The following YEATS4 variants were observed in gnomAD, a reference collection of about 807,000 sequenced individuals.
YEATS4 encodes the protein YEATS domain-containing protein 4.
In YEATS4, 17 loss-of-function variants were observed where a neutral mutation model predicts 30.1. That is an observed-to-expected ratio of 0.56 (90% CI 0.39 to 0.85). The LOEUF (loss-of-function observed/expected upper bound fraction) is 0.85, where lower values mean the gene tolerates loss of function less well. Ranked by LOEUF, YEATS4 falls within the 40% of genes least tolerant of loss-of-function variation. YEATS4 has a pLI of 0.00. For synonymous variants in YEATS4, 85 were observed against 87.5 expected (o/e 0.97, Z 0.16); for missense variants, 142 against 268.3 (o/e 0.53, Z 3.29).
At chr12:69,361,336 A>G (rs1875199769) in intron 1 of YEATS4, 1 of 151,850 alleles carries the variant, frequency 6.6e-6, no homozygotes, top group Admixed American at 6.6e-5. Flanking sequence ...CACTAGCGCA[A>G]TCTCGGCTCT....
intron 6 of YEATS4, among the ~76,000 whole-genome samples, chr12:69,385,121 C>T (rs1052264482): frequency 7.9e-5 from 12 of 152,048 alleles, no homozygotes; most frequent in Non-Finnish European, 1.5e-4. Flanking sequence ...ACATGATCCT[C>T]CTGCCTTGGC....
At chr12:69,386,671 A>G (rs1206095189) in intron 6 of YEATS4, among the ~76,000 whole-genome samples, 1 of 152,222 alleles carries the variant, frequency 6.6e-6, no homozygotes, top group Non-Finnish European at 1.5e-5. Context: ...AGGGGAATAC[A>G]AATTTCTGCA....
chr12:69,402,682 A>G, the YEATS4 span, among the ~76,000 whole-genome samples: 3 of 151,890 alleles, frequency 2.0e-5, no homozygotes, highest in Non-Finnish European at 4.4e-5. Context: ...GCCATGTATC[A>G]CAAAATATTT....
chr12:69,386,563 A>AT (rs1291802193), intron 6 of YEATS4, among the ~76,000 whole-genome samples: 1 of 152,098 alleles, frequency 6.6e-6, no homozygotes, highest in Admixed American at 6.5e-5. Context: ...ACATTAGTGC[A>AT]TTTTTTTCTT....
At chr12:69,378,878 G>A (rs1456701758) in intron 6 of YEATS4, among the ~76,000 whole-genome samples, 1 of 151,982 alleles carries the variant, frequency 6.6e-6, no homozygotes, top group African/African-American at 2.4e-5. Flanking sequence ...ATCTTCAGAT[G>A]ATTTCACATT....
chr12:69,403,019 G>A, the YEATS4 span, among the ~76,000 whole-genome samples: 49 of 151,972 alleles, frequency 3.2e-4, no homozygotes, highest in African/African-American at 9.4e-4. Flanking sequence ...CACCACGCCC[G>A]GCTTGCTATT....
chr12:69,384,573 G>A (rs1876201729), intron 6 of YEATS4, among the ~76,000 whole-genome samples: 1 of 152,098 alleles, frequency 6.6e-6, no homozygotes, highest in Non-Finnish European at 1.5e-5. Context: ...TCACTTCATA[G>A]TACTTACCAA....
chr12:69,392,776 A>T (rs987921730), downstream of YEATS4, among the ~76,000 whole-genome samples: 2 of 152,220 alleles, frequency 1.3e-5, no homozygotes, highest in Admixed American at 6.5e-5. Context: ...TCAGATGAGT[A>T]ATCTGCTATG....
intron 6 of YEATS4, among the ~76,000 whole-genome samples, chr12:69,383,771 A>G (rs544508809): frequency 4.1e-4 from 63 of 152,344 alleles, no homozygotes; most frequent in African/African-American, 1.2e-3. Flanking sequence ...AACATCAGAT[A>G]AGATAAATTG....
At chr12:69,388,252 G>A (rs1050423778) in intron 6 of YEATS4, among the ~76,000 whole-genome samples, 3 of 152,014 alleles carry the variant, frequency 2.0e-5, no homozygotes, top group African/African-American at 7.2e-5. Flanking sequence ...AGTAGAGACA[G>A]GGTTTTACCG....
chr12:69,370,114 T>G (rs1875582958), intron 4 of YEATS4, among the ~76,000 whole-genome samples: 1 of 152,214 alleles, frequency 6.6e-6, no homozygotes, highest in Admixed American at 6.5e-5. Context: ...AACTAGATTT[T>G]ATTTTGCTGA....
chr12:69,393,768 C>T (rs1469634715), downstream of YEATS4, among the ~76,000 whole-genome samples: 3 of 152,004 alleles, frequency 2.0e-5, no homozygotes, highest in Admixed American at 6.6e-5. Context: ...ATTATTAAAG[C>T]TTGATAATAG....
At chr12:69,369,174 C>G (rs1370287037) in intron 4 of YEATS4, among the ~76,000 whole-genome samples, 1 of 152,068 alleles carries the variant, frequency 6.6e-6, no homozygotes, top group East Asian at 1.9e-4. Context: ...GTTCTCAATT[C>G]CTCTAGAAAT....
intron 1 of YEATS4, among the ~76,000 whole-genome samples, chr12:69,362,013 G>GTTTTTGTTTTTTT (rs1555174243): frequency 1.0e-4 from 7 of 69,074 alleles, no homozygotes; most frequent in Admixed American, 1.6e-4. Flanking sequence ...GTGTTTGGTT[G>GTTTTTGTTTTTTT]TTTTTTTTTT....
At chr12:69,365,453 G>GA (rs201603040) in intron 2 of YEATS4, among the ~76,000 whole-genome samples, 180 bp from the exon 3 acceptor site, 2,213 of 105,586 alleles carry the variant, frequency 0.021, 33 homozygotes, top group African/African-American at 0.05. Flanking sequence ...TCCATCTCAG[G>GA]AAAAAAAAAA....
the YEATS4 span, among the ~76,000 whole-genome samples, chr12:69,397,661 A>G: frequency 6.6e-6 from 1 of 152,280 alleles, no homozygotes; most frequent in African/African-American, 2.4e-5. Flanking sequence ...TTATTTATAA[A>G]TTACCCAATT....
At chr12:69,383,980 A>G (rs1369447322) in intron 6 of YEATS4, among the ~76,000 whole-genome samples, 1 of 152,142 alleles carries the variant, frequency 6.6e-6, no homozygotes, top group Non-Finnish European at 1.5e-5. Flanking sequence ...TGGGGAGGGA[A>G]TTGCTGTTTA....
At chr12:69,414,039 A>T in the YEATS4 span, among the ~76,000 whole-genome samples, 7,676 of 152,132 alleles carry the variant, frequency 0.05, 379 homozygotes, top group Admixed American at 0.16. Flanking sequence ...TAGATACATG[A>T]CATCTATAAA....
rs61031086 is a variant in YEATS4 at position 69,377,532 on chromosome 12, A to C, written c.514+6557A>C. On this transcript the variant is annotated intron_variant, in intron 6 of 6. Transcript: ENST00000247843. ...CACCTCAGCCTCCCAAAGTGCTGGG[A>C]TTATAGGTGTGAGCCTCTGCACCTG... Among the ~76,000 whole-genome samples, 507 of 152,130 alleles carry C rather than the reference A, an allele frequency of 3.3e-3. 5 individuals are homozygous for C. The highest frequency in any genetic ancestry group is 0.011 in the African/African-American group (475 of 41,466).
Sources: allele counts gnomAD v4.1 joint callset (sites outside exome capture counted in the v4.1 genomes callset), GRCh38; gene constraint gnomAD v4.1.1; transcripts MANE v1.5; gene names NCBI Gene and HGNC (gene_info 2026-07-23, HGNC 2026-07-21).